CACNA2D3: variants seen among roughly 807,000 people sequenced by gnomAD.
The protein encoded by CACNA2D3 is calcium voltage-gated channel auxiliary subunit alpha2delta 3, also known as voltage-dependent calcium channel subunit alpha-2/delta-3.
Under a neutral mutation model 160.6 loss-of-function variants are expected in CACNA2D3, and 60 were observed. That is an observed-to-expected ratio of 0.37 (90% CI 0.30 to 0.46). The LOEUF is 0.46. CACNA2D3 is among the 20% of genes least tolerant of loss of function. The pLI is 1.00. For synonymous variants in CACNA2D3, 558 were observed against 492.9 expected, an observed-to-expected ratio of 1.13 and a Z score of -1.75; for missense variants, 1,205 against 1,365.0, an observed-to-expected ratio of 0.88 and a Z score of 1.85.
chr3:54,337,476 C>T (rs1704411245), intron 3 of CACNA2D3, among the ~76,000 whole-genome samples: 1 of 152,144 alleles, frequency 6.6e-6, no homozygotes, highest in Non-Finnish European at 1.5e-5. Context: ...AAAATGGATG[C>T]ACTTTTAACA....
chr3:54,872,376 C>G (rs1173799256), intron 18 of CACNA2D3, among the ~76,000 whole-genome samples: 1 of 152,110 alleles, frequency 6.6e-6, no homozygotes, highest in Admixed American at 6.5e-5. Context: ...CCATCTGGGT[C>G]CCTACTCTTC....
At chr3:54,562,058 C>T (rs529062768) in intron 5 of CACNA2D3, among the ~76,000 whole-genome samples, 3 of 152,274 alleles carry the variant, frequency 2.0e-5, no homozygotes, top group African/African-American at 7.2e-5. Flanking sequence ...TCAATTATCT[C>T]CTACCAGGTC....
chr3:54,475,407 A>G (rs1195465216), intron 4 of CACNA2D3, among the ~76,000 whole-genome samples: 2 of 152,232 alleles, frequency 1.3e-5, no homozygotes, highest in Non-Finnish European at 2.9e-5. Context: ...AGCAAGAGGA[A>G]AAATAAGAAT....
intron 11 of CACNA2D3, among the ~76,000 whole-genome samples, chr3:54,653,402 G>C (rs1226960105): frequency 6.6e-6 from 1 of 152,006 alleles, no homozygotes; most frequent in African/African-American, 2.4e-5. Context: ...AGTCACATTT[G>C]GTCCAAAAGT....
intron 12 of CACNA2D3, among the ~76,000 whole-genome samples, chr3:54,753,180 T>C (rs1242457583): frequency 2.1e-4 from 32 of 152,178 alleles, no homozygotes; most frequent in Admixed American, 2.1e-3. Flanking sequence ...GAGGACATAG[T>C]CAAGTGGAGT....
At chr3:54,895,365 G>C (rs567453732) in intron 25 of CACNA2D3, among the ~76,000 whole-genome samples, 1 of 152,270 alleles carries the variant, frequency 6.6e-6, no homozygotes, top group Non-Finnish European at 1.5e-5. Context: ...AAAGGAGTTA[G>C]GACATGCTAG....
At chr3:54,665,073 G>T (rs1184611264) in intron 11 of CACNA2D3, among the ~76,000 whole-genome samples, 1 of 152,066 alleles carries the variant, frequency 6.6e-6, no homozygotes, top group South Asian at 2.1e-4. Context: ...TAATATATCG[G>T]GCTGACCTAA....
intron 2 of CACNA2D3, among the ~76,000 whole-genome samples, chr3:54,250,599 A>G (rs2107423132): frequency 6.6e-6 from 1 of 152,184 alleles, no homozygotes; most frequent in South Asian, 2.1e-4. Context: ...ATACTTGGCT[A>G]ATTTTTAAAT....
intron 2 of CACNA2D3, among the ~76,000 whole-genome samples, chr3:54,293,951 C>T (rs1043979306): frequency 2.6e-5 from 4 of 152,118 alleles, no homozygotes; most frequent in African/African-American, 9.7e-5. Context: ...CATTTAAATG[C>T]ATGCTTGGGG....
chr3:54,268,325 C>T (rs948184499), intron 2 of CACNA2D3, among the ~76,000 whole-genome samples: 6 of 152,272 alleles, frequency 3.9e-5, no homozygotes, highest in South Asian at 4.1e-4. Context: ...TGTTACCACC[C>T]GCTGGCCACT....
At chr3:54,420,179 A>T (rs1699816258) in intron 4 of CACNA2D3, among the ~76,000 whole-genome samples, 1 of 150,472 alleles carries the variant, frequency 6.6e-6, no homozygotes, top group Non-Finnish European at 1.5e-5. Context: ...CCGCCTCCTG[A>T]GTTCAAGTGA....
Position 55,074,436 on chromosome 3 carries a change from A to G in CACNA2D3, c.*230A>G, listed in dbSNP as rs1313213358. 1 of 540,588 alleles carries G rather than the reference A, an allele frequency of 1.8e-6. No homozygotes were observed. The highest frequency in any genetic ancestry group is 3.2e-5 in the East Asian group (1 of 31,090). 33.5% of individuals were successfully genotyped at this position (540,588 alleles called of 1,614,324 possible). A position where few individuals can be genotyped will look rare whatever the true frequency, so the allele number is the denominator to read the frequency against. On this transcript the variant is annotated 3_prime_UTR_variant, in exon 38 of 38. Coordinates refer to ENST00000474759, the MANE Select transcript of CACNA2D3 (RefSeq NM_018398.3). ...AGTCATGCAAATGTGAGTTTGCCAC[A>G]TGATAATCACCCTTCATCAGAAATG...
At chr3:54,972,270 G>C (rs1345205026) in intron 29 of CACNA2D3, among the ~76,000 whole-genome samples, 1 of 152,150 alleles carries the variant, frequency 6.6e-6, no homozygotes, top group Non-Finnish European at 1.5e-5. Context: ...AACTTGATCT[G>C]ATGCTCAAAT....
At chr3:54,984,041 T>G (rs1450952013) in intron 29 of CACNA2D3, among the ~76,000 whole-genome samples, 2 of 152,168 alleles carry the variant, frequency 1.3e-5, no homozygotes, top group South Asian at 4.1e-4. Context: ...AAACACAGTT[T>G]GAAAACCTTT....
chr3:54,786,536 A>AAAC (rs1702645414), intron 13 of CACNA2D3, among the ~76,000 whole-genome samples: 2 of 152,180 alleles, frequency 1.3e-5, no homozygotes, highest in African/African-American at 4.8e-5. Context: ...TCACTTTGTA[A>AAAC]GCATCCCAGG....
intron 27 of CACNA2D3, chr3:54,928,201 CTT>C (rs1478313825): frequency 2.3e-6 from 1 of 443,948 alleles, no homozygotes; most frequent in Admixed American, 3.8e-5. Context: ...TCATCCCTGC[CTT>C]TCCCATTCAG....
At chr3:54,841,255 A>G (rs895565045) in intron 16 of CACNA2D3, among the ~76,000 whole-genome samples, 1 of 152,228 alleles carries the variant, frequency 6.6e-6, no homozygotes, top group African/African-American at 2.4e-5. Context: ...TTTTTACTTA[A>G]GGATGCTTGA....
At chr3:54,283,918 C>T (rs1038548621) in intron 2 of CACNA2D3, among the ~76,000 whole-genome samples, 1 of 152,068 alleles carries the variant, frequency 6.6e-6, no homozygotes, top group African/African-American at 2.4e-5. Flanking sequence ...CAAAAATTAG[C>T]TGAGTGTGGA....
At chr3:54,736,122 TATATATATGTATATATATACACACACAC>T (rs1701523045) in intron 11 of CACNA2D3, among the ~76,000 whole-genome samples, 1 of 64,778 alleles carries the variant, frequency 1.5e-5, no homozygotes, top group Non-Finnish European at 3.3e-5. Flanking sequence ...TATATATACA[TATATATATGTATATATATACACACACAC>T]ACACACACAC....
Sources: allele counts gnomAD v4.1 joint callset (sites outside exome capture counted in the v4.1 genomes callset), GRCh38; gene constraint gnomAD v4.1.1; transcripts MANE v1.5; gene names NCBI Gene and HGNC (gene_info 2026-07-23, HGNC 2026-07-21).